GRIK4: variants seen among roughly 807,000 people sequenced by gnomAD.
GRIK4 encodes the protein glutamate ionotropic receptor kainate type subunit 4, also known as glutamate receptor ionotropic, kainate 4.
Under a neutral mutation model 104.9 loss-of-function variants are expected in GRIK4, and 40 were observed. The ratio of observed to expected loss-of-function variants is 0.38; its 90% CI spans 0.30 to 0.50. The LOEUF is 0.50. Among genes scored for constraint, GRIK4 ranks in the 20% least tolerant of loss-of-function variants. The pLI, the probability that GRIK4 is intolerant of heterozygous loss-of-function variation, is 0.93. For missense variants in GRIK4, 1,047 were observed against 1,308.1 expected, an observed-to-expected ratio of 0.80 and a Z score of 3.08; for synonymous variants, 485 against 524.9, an observed-to-expected ratio of 0.92 and a Z score of 1.04.
chr11:120,618,527 A>C (rs1949143431), intron 1 of GRIK4, among the ~76,000 whole-genome samples: 1 of 152,200 alleles, frequency 6.6e-6, no homozygotes, highest in African/African-American at 2.4e-5. Context: ...AGTAGGGAAA[A>C]GGCCTTGAGG....
Position 120,874,114 on chromosome 11 carries a change from G to A in GRIK4, c.955G>A (p.Val319Met), listed in dbSNP as rs777786895. ...FDAVYAVVTA[V>M]QELNRSQEIG... ...TGCTGTCTATGCTGTGGTGACTGCG[G>A]TGCAGGAACTGAACCGGAGCCAAGA... The change falls in exon 10 of 21, where the codon GTG becomes ATG. Residue 319 changes from valine to methionine, a missense_variant. Physicochemically the swap from Val to Met is conservative, Grantham distance 21. Transcript: ENST00000527524. 5.0e-6 allele frequency: 8 copies of A among 1,613,828 alleles called. No homozygotes were observed. The African/African-American group carries it at 9.3e-5, about 19-fold the overall frequency.
At chr11:120,736,999 G>A (rs1951236719) in intron 3 of GRIK4, among the ~76,000 whole-genome samples, 1 of 152,196 alleles carries the variant, frequency 6.6e-6, no homozygotes, top group African/African-American at 2.4e-5. Context: ...GCCAACGTAA[G>A]AGGATTCCCA....
chr11:120,617,519 A>G (rs1182548764), intron 1 of GRIK4, among the ~76,000 whole-genome samples: 2 of 152,138 alleles, frequency 1.3e-5, no homozygotes, highest in Non-Finnish European at 2.9e-5. Context: ...AGCTAAGACC[A>G]TAGACATGTG....
intron 13 of GRIK4, among the ~76,000 whole-genome samples, chr11:120,916,905 A>AG (rs1943115849): frequency 1.3e-5 from 2 of 152,196 alleles, no homozygotes; most frequent in Admixed American, 1.3e-4. Flanking sequence ...GCATTCCCCT[A>AG]GGGAGTGCTT....
intron 3 of GRIK4, among the ~76,000 whole-genome samples, chr11:120,695,209 G>A (rs561634144): frequency 6.6e-6 from 1 of 152,328 alleles, no homozygotes; most frequent in South Asian, 2.1e-4. Flanking sequence ...GTTTCTTGCT[G>A]TGAGTTTGCC....
intron 3 of GRIK4, among the ~76,000 whole-genome samples, chr11:120,725,366 G>A (rs1591837710): frequency 6.6e-6 from 1 of 152,182 alleles, no homozygotes; most frequent in Non-Finnish European, 1.5e-5. Flanking sequence ...CTTTAGTCTA[G>A]GTCCTGTTGT....
chr11:120,705,155 A>G (rs1431668921), intron 3 of GRIK4, among the ~76,000 whole-genome samples: 1 of 151,522 alleles, frequency 6.6e-6, no homozygotes, highest in East Asian at 1.9e-4. Context: ...GTCTTTTTCA[A>G]TGTTGTTTTG....
chr11:120,866,806 A>G (rs1954428695), intron 9 of GRIK4, among the ~76,000 whole-genome samples: 1 of 152,148 alleles, frequency 6.6e-6, no homozygotes, highest in Non-Finnish European at 1.5e-5. Flanking sequence ...TTTTCTTGCC[A>G]ATAAAATGGA....
chr11:120,743,243 A>AG (rs1951372161), intron 3 of GRIK4, among the ~76,000 whole-genome samples: 3 of 152,246 alleles, frequency 2.0e-5, no homozygotes, highest in Admixed American at 1.3e-4. Context: ...GAAAAAAAAA[A>AG]AAAAAAGAAT....
At chr11:120,906,120 A>G (rs1328066639) in intron 13 of GRIK4, among the ~76,000 whole-genome samples, 1 of 152,228 alleles carries the variant, frequency 6.6e-6, no homozygotes, top group East Asian at 1.9e-4. Flanking sequence ...AATGTCAGAC[A>G]TCTGTTAGGT....
chr11:120,796,707 G>A (rs1952525187), intron 3 of GRIK4, among the ~76,000 whole-genome samples: 1 of 152,114 alleles, frequency 6.6e-6, no homozygotes, highest in African/African-American at 2.4e-5. Context: ...TGGGGGTGGA[G>A]GGGATGCTAT....
At chr11:120,592,210 T>C (rs1205656649) in intron 1 of GRIK4, among the ~76,000 whole-genome samples, 1 of 152,240 alleles carries the variant, frequency 6.6e-6, no homozygotes, top group Non-Finnish European at 1.5e-5. Context: ...ACTGGAAAAC[T>C]TTATGTTCAA....
chr11:120,657,565 T>C (rs568819073), intron 2 of GRIK4, among the ~76,000 whole-genome samples: 12 of 152,344 alleles, frequency 7.9e-5, no homozygotes, highest in African/African-American at 2.9e-4. Context: ...ACACAGTCCT[T>C]GCCCTTAAGG....
intron 18 of GRIK4, among the ~76,000 whole-genome samples, chr11:120,965,757 T>C (rs1944373360): frequency 1.3e-5 from 2 of 152,218 alleles, no homozygotes; most frequent in Admixed American, 6.5e-5. Context: ...TTGGGGCTTG[T>C]TGGAAATGCA....
intron 3 of GRIK4, among the ~76,000 whole-genome samples, chr11:120,675,379 A>C (rs11820810): frequency 2.0e-5 from 3 of 151,942 alleles, no homozygotes; most frequent in Non-Finnish European, 2.9e-5. Flanking sequence ...CCTGGATCCA[A>C]AATTTGTGTG....
chr11:120,641,723 C>T (rs371069324), intron 1 of GRIK4, among the ~76,000 whole-genome samples: 20 of 152,280 alleles, frequency 1.3e-4, no homozygotes, highest in East Asian at 5.8e-4. Context: ...TTGGCCAGCT[C>T]GTTTACCACA....
Position 120,967,250 on chromosome 11 carries a change from C to T in GRIK4, c.2322C>T (p.Asn774=). The change falls in exon 19 of 21, where the codon AAC becomes AAT. Residue 774 remains asparagine, a synonymous_variant. Coordinates refer to ENST00000527524, the MANE Select transcript of GRIK4 (RefSeq NM_014619.5). This position sits in a 1 kb window ranked among gnomAD's most constrained non-coding sequence, Gnocchi z 4.2. ...DLAILQLQEN[N]RLEILKRKWW... Reference sequence around the variant, plus strand: ...CCATTCTCCAGCTGCAGGAGAACAACCGCCTGGAGATCCTGAAGCGCAAAT... The same window carrying T: ...CCATTCTCCAGCTGCAGGAGAACAATCGCCTGGAGATCCTGAAGCGCAAAT... 6.2e-7 allele frequency: 1 copy of T among 1,613,782 alleles called. No individual in the cohort carries two copies. Among genetic ancestry groups the T allele is most frequent in the Non-Finnish European group, 8.5e-7 (1 of 1,179,798 alleles).
At chr11:120,817,360 G>A (rs1417477553) in intron 5 of GRIK4, among the ~76,000 whole-genome samples, 1 of 152,204 alleles carries the variant, frequency 6.6e-6, no homozygotes, top group African/African-American at 2.4e-5. Context: ...ACTGCCCTGG[G>A]AGTGGCCAGA....
At chr11:120,595,084 G>A (rs1188066462) in intron 1 of GRIK4, among the ~76,000 whole-genome samples, 2 of 152,328 alleles carry the variant, frequency 1.3e-5, no homozygotes, top group Admixed American at 6.5e-5. Context: ...ATGCCTTTAT[G>A]GTTCCAGCCA....
Sources: allele counts gnomAD v4.1 joint callset (sites outside exome capture counted in the v4.1 genomes callset), GRCh38; gene constraint gnomAD v4.1.1; non-coding constraint Gnocchi (gnomAD v3.1); transcripts MANE v1.5; gene names NCBI Gene and HGNC (gene_info 2026-07-23, HGNC 2026-07-21).